The following SPIDR variants were observed in gnomAD, a reference collection of about 807,000 sequenced individuals.
SPIDR encodes the protein DNA repair-scaffolding protein.
Under a neutral mutation model 104.6 loss-of-function variants are expected in SPIDR, and 93 were observed. The ratio of observed to expected loss-of-function variants is 0.89; its 90% confidence interval spans 0.75 to 1.06. SPIDR has a LOEUF of 1.06. SPIDR is among the 50% of genes least tolerant of loss of function. SPIDR has a pLI of 0.00. For synonymous variants in SPIDR, 431 were observed against 416.9 expected (o/e 1.03, Z -0.41); for missense variants, 1,154 against 1,111.2 (o/e 1.04, Z -0.55).
chr8:47,729,032 C>A lies in SPIDR; in HGVS notation c.2535C>A (p.Cys845Ter), dbSNP rs758598461. 9 of 1,613,872 alleles carry A rather than the reference C, an allele frequency of 5.6e-6. No individual in the cohort carries two copies. The highest frequency in any genetic ancestry group is 7.6e-6 in the Non-Finnish European group (9 of 1,180,034). ...TGGACTGCCGCTCAAGACCGCAGTG[C>A]AGAGTGAAGGTCAAGGTAGGAGCCA... ...VFLDCRSRPQ[C>*]RVKVKLLQRS... The change falls in exon 18 of 20, where the codon TGC becomes TGA. Residue 845 changes from cysteine (C) to a stop codon, truncating the protein, a stop_gained. Coordinates refer to ENST00000297423, the MANE Select transcript of SPIDR (RefSeq NM_001080394.4). LOFTEE classifies it high-confidence loss of function.
At position 47,702,022 on chromosome 8, in the gene SPIDR, A is replaced by T; in HGVS notation, c.1977+7A>T. ...GATTTACCAAAAACCACAGGTAATA[A>T]TCTCTCTCAATCTCTCAATCTCTCA... On this transcript the variant is annotated splice_region_variant and intron_variant, in intron 14 of 19. Transcript: ENST00000297423. 6.3e-7 allele frequency: 1 copy of T among 1,597,324 alleles called. No homozygotes were observed. The highest frequency in any genetic ancestry group is 8.5e-7 in the Non-Finnish European group (1 of 1,172,528).
chr8:47,310,076 G>A (rs187099902), intron 5 of SPIDR, among the ~76,000 whole-genome samples: 1,616 of 151,816 alleles, frequency 0.011, 11 homozygotes, highest in Non-Finnish European at 0.016. Flanking sequence ...GCTCACGCCT[G>A]TAATCCCAGC....
intron 8 of SPIDR, among the ~76,000 whole-genome samples, chr8:47,525,016 C>G (rs1230084425): frequency 6.6e-6 from 1 of 152,120 alleles, no homozygotes; most frequent in East Asian, 1.9e-4. Flanking sequence ...GATGACACAC[C>G]CTGTTTTGAA....
chr8:47,379,030 A>C (rs1192543812), intron 5 of SPIDR, among the ~76,000 whole-genome samples: 1 of 152,168 alleles, frequency 6.6e-6, no homozygotes, highest in East Asian at 1.9e-4. Context: ...CCCAAGGCAA[A>C]CTGGAAGGGG....
chr8:47,674,504 GAA>G (rs771086635), intron 11 of SPIDR, among the ~76,000 whole-genome samples: 1 of 146,680 alleles, frequency 6.8e-6, no homozygotes, highest in Non-Finnish European at 1.5e-5. Context: ...GAATTAGGGG[GAA>G]AAAAAAAAGA....
intron 5 of SPIDR, among the ~76,000 whole-genome samples, chr8:47,334,150 C>T (rs2049271634): frequency 6.6e-6 from 1 of 152,018 alleles, no homozygotes; most frequent in South Asian, 2.1e-4. Flanking sequence ...TATATAATTT[C>T]TGTTTTTAAA....
At chr8:47,654,049 T>C (rs1207707384) in intron 10 of SPIDR, 1 of 1,289,312 alleles carries the variant, frequency 7.8e-7, no homozygotes, top group East Asian at 5.5e-5. Context: ...CCAAGACAGA[T>C]AGGGGCGTGG....
chr8:47,289,165 T>C (rs1019429896), intron 3 of SPIDR, among the ~76,000 whole-genome samples: 1 of 152,040 alleles, frequency 6.6e-6, no homozygotes, highest in Non-Finnish European at 1.5e-5. Context: ...CATGTACCAC[T>C]GTGCCCAGCT....
intron 8 of SPIDR, among the ~76,000 whole-genome samples, chr8:47,587,891 C>G (rs1468333344): frequency 1.3e-5 from 2 of 150,234 alleles, no homozygotes; most frequent in African/African-American, 4.9e-5. Context: ...TTCAATAACA[C>G]CATATAATAT....
intron 18 of SPIDR, 178 bp from the exon 19 acceptor site, chr8:47,729,234 C>G (rs1320098260): frequency 2.3e-5 from 33 of 1,445,442 alleles, no homozygotes; most frequent in Non-Finnish European, 3.0e-5. Flanking sequence ...GGAGGATGCA[C>G]CCTATGTGAA....
chr8:47,398,055 A>G (rs2061438660), intron 6 of SPIDR, among the ~76,000 whole-genome samples: 1 of 152,152 alleles, frequency 6.6e-6, no homozygotes, highest in African/African-American at 2.4e-5. Context: ...CCTACTCACC[A>G]CGAGACAGGA....
intron 3 of SPIDR, among the ~76,000 whole-genome samples, chr8:47,284,718 C>T (rs1436802364): frequency 6.6e-5 from 10 of 152,148 alleles, no homozygotes; most frequent in South Asian, 6.2e-4. Context: ...TGAGGATTTT[C>T]GCCAAGTCAG....
intron 5 of SPIDR, 136 bp from the exon 6 acceptor site, chr8:47,396,240 T>C (rs2061232590): frequency 1.4e-6 from 1 of 740,662 alleles, no homozygotes. Flanking sequence ...AAGTTAAAGC[T>C]GCAGATACTG....
rs1554548639 is a variant in SPIDR, at chr8:47,658,044, A to AAAAAAG, written c.1545-15739_1545-15734dup. Among the ~76,000 whole-genome samples the AAAAAAG allele has an allele frequency of 1.7e-3, 254 of 146,270 alleles. 1 individual carries two copies. Among genetic ancestry groups the AAAAAAG allele is most frequent in the East Asian group, 7.9e-3 (38 of 4,802 alleles). On this transcript the variant is annotated intron_variant, in intron 10 of 19. Coordinates refer to ENST00000297423, the MANE Select transcript of SPIDR (RefSeq NM_001080394.4). ...GACCCTGTCTCAAAAAAAAAAAAAA[A>AAAAAAG]AAAAAGAAAAAGAAAAAGAAAAAAA...
At position 47,469,367 on chromosome 8, in the gene SPIDR, G is replaced by A. The variant is rs557747623; in HGVS notation, c.1097+28825G>A. ...TTTGACTCAGAAATCCCATTACTGG[G>A]TATATATACCCAAAGGAATATAAAT... On this transcript the variant is annotated intron_variant, in intron 8 of 19. Transcript: ENST00000297423. Among the ~76,000 whole-genome samples, 10 of 152,208 alleles carry A rather than the reference G, an allele frequency of 6.6e-5. No individual in the cohort carries two copies. The South Asian group carries it at 2.1e-3, about 32-fold the overall frequency.
chr8:47,380,842 A>C (rs1554645100), intron 5 of SPIDR, among the ~76,000 whole-genome samples: 1 of 152,184 alleles, frequency 6.6e-6, no homozygotes, highest in Non-Finnish European at 1.5e-5. Flanking sequence ...GCCTCTCACT[A>C]GCTGGCTGAT....
intron 5 of SPIDR, among the ~76,000 whole-genome samples, chr8:47,298,244 T>C (rs1289313726): frequency 5.9e-5 from 9 of 152,226 alleles, no homozygotes; most frequent in South Asian, 2.1e-4. Flanking sequence ...CTTTTGGCGG[T>C]ATAAATGTCT....
chr8:47,477,395 C>A (rs2076410602), intron 8 of SPIDR, among the ~76,000 whole-genome samples: 1 of 152,140 alleles, frequency 6.6e-6, no homozygotes, highest in South Asian at 2.1e-4. Flanking sequence ...AGAGTTTTGC[C>A]ATGTTGCCCA....
At chr8:47,578,471 C>CA (rs142582965) in intron 8 of SPIDR, among the ~76,000 whole-genome samples, 4,326 of 147,764 alleles carry the variant, frequency 0.029, 195 homozygotes, top group African/African-American at 0.097. Flanking sequence ...GACTCCATCT[C>CA]AAAAAAAAAA....
Sources: gnomAD v4.1 joint callset for allele counts (sites outside exome capture counted in the v4.1 genomes callset) on GRCh38, gnomAD v4.1.1 for gene constraint, MANE v1.5 for transcripts, NCBI Gene and HGNC (gene_info 2026-07-23, HGNC 2026-07-21) for gene names.